The following NTRK1 variants were observed in gnomAD, a reference collection of about 807,000 sequenced individuals.
NTRK1 encodes neurotrophic receptor tyrosine kinase 1.
NTRK1 carries 62 observed loss-of-function variants against 86.8 expected under a neutral mutation model. That is an observed-to-expected ratio of 0.71 (90% CI 0.58 to 0.88). The LOEUF is 0.88. NTRK1 is among the 40% of genes least tolerant of loss of function. The pLI, the probability that NTRK1 is intolerant of heterozygous loss-of-function variation, is 0.00. For synonymous variants in NTRK1, 469 were observed against 456.6 expected (o/e 1.03, Z -0.35); for missense variants, 967 against 1,078.4 (o/e 0.90, Z 1.45).
chr1:156,880,742 A>G (rs1236163438), intron 16 of NTRK1, among the ~76,000 whole-genome samples: 4 of 152,136 alleles, frequency 2.6e-5, no homozygotes, highest in East Asian at 3.9e-4. Context: ...ATAGATTTTA[A>G]TTTTCTCAAG....
At chr1:156,845,110 G>A in intron 2 of NTRK1, 1 of 1,610,970 alleles carries the variant, frequency 6.2e-7, no homozygotes, top group East Asian at 2.2e-5. Context: ...CGAAGGTGGC[G>A]GCGCTGCAGC....
chr1:156,865,285 A>G (rs965221048), intron 3 of NTRK1, among the ~76,000 whole-genome samples: 7 of 152,088 alleles, frequency 4.6e-5, no homozygotes, highest in African/African-American at 1.7e-4. Flanking sequence ...TTGGCACCAG[A>G]GACTGGTTTC....
chr1:156,830,777 A>G (rs1654450481), intron 1 of NTRK1, among the ~76,000 whole-genome samples: 1 of 151,674 alleles, frequency 6.6e-6, no homozygotes, highest in African/African-American at 2.4e-5. Flanking sequence ...CTGGTCTCGA[A>G]CTCCTGACCT....
chr1:156,845,771 G>T, intron 2 of NTRK1: 1 of 1,613,250 alleles, frequency 6.2e-7, no homozygotes, highest in Non-Finnish European at 8.5e-7. Context: ...CCCCGTCTTC[G>T]CCGTCGAAGC....
intron 2 of NTRK1, chr1:156,844,843 C>G (rs1349869940): frequency 1.4e-5 from 22 of 1,613,776 alleles, no homozygotes; most frequent in Non-Finnish European, 1.9e-5. Flanking sequence ...ATCAGCCTCT[C>G]CTGCGGGAAG....
At chr1:156,856,125 C>T (rs1655398773), upstream of NTRK1, among the ~76,000 whole-genome samples, 1 of 151,958 alleles carries the variant, frequency 6.6e-6, no homozygotes, top group African/African-American at 2.4e-5. Context: ...TTATTTTTAA[C>T]ACTGGCTAAA....
At chr1:156,828,003 G>A (rs976035797) in intron 1 of NTRK1, among the ~76,000 whole-genome samples, 3 of 151,824 alleles carry the variant, frequency 2.0e-5, no homozygotes, top group Admixed American at 6.6e-5. Flanking sequence ...TTAGAAATGG[G>A]GGTCTCACTA....
At position 156,875,923 on chromosome 1, in the gene NTRK1, T is replaced by C. The variant is rs1381489099; in HGVS notation, c.1502-157T>C. 2.7e-5 allele frequency: 33 copies of C among 1,230,304 alleles called. 1 individual carries two copies. The highest frequency in any genetic ancestry group is 3.6e-5 in the Admixed American group (2 of 54,898). 76.2% of individuals were successfully genotyped at this position (1,230,304 alleles called of 1,614,324 possible). Reference sequence around the variant, plus strand: ...GCAGGTGCAGCCCCACACTATGACATGGGGCTTGCTGAAGGGGTGCAGGTT... The same window carrying C: ...GCAGGTGCAGCCCCACACTATGACACGGGGCTTGCTGAAGGGGTGCAGGTT... On this transcript the variant is annotated intron_variant, in intron 12 of 16. Transcript: ENST00000524377.
intron 7 of NTRK1, among the ~76,000 whole-genome samples, chr1:156,873,044 T>TGC (rs1647659370): frequency 1.3e-5 from 2 of 150,904 alleles, no homozygotes; most frequent in African/African-American, 4.9e-5. Flanking sequence ...TGTGTGTGTG[T>TGC]GTGTGTGTGT....
In NTRK1 at chr1:156,880,133, C is replaced by T. The variant is rs1648172577; in HGVS notation, c.2181C>T (p.Pro727=). The change falls in exon 16 of 17, where the codon CCC becomes CCT. Residue 727 remains proline (P), a synonymous_variant. Coordinates refer to ENST00000524377, the MANE Select transcript of NTRK1 (RefSeq NM_002529.4). ...LWEIFTYGKQ[P]WYQLSNTEAI... is the part of the protein sequence containing the mutation. ...AGATCTTCACCTACGGCAAGCAGCC[C>T]TGGTACCAGCTCTCCAACACGGAGG... 6.2e-7 allele frequency: 1 copy of T among 1,613,530 alleles called. No individual in the cohort carries two copies. Among genetic ancestry groups the T allele is most frequent in the Non-Finnish European group, 8.5e-7 (1 of 1,179,990 alleles).
chr1:156,840,846 G>A (rs537991249), intron 1 of NTRK1: 1 of 1,566,510 alleles, frequency 6.4e-7, no homozygotes, highest in East Asian at 2.3e-5. Flanking sequence ...CTCCCCATGG[G>A]AGGCCAGCCA....
chr1:156,853,187 C>G (rs986703655), intron 2 of NTRK1, among the ~76,000 whole-genome samples: 4 of 152,158 alleles, frequency 2.6e-5, no homozygotes, highest in African/African-American at 9.7e-5. Context: ...CTCCTGCTCA[C>G]CCCCAACCTC....
chr1:156,824,747 G>A (rs1316601250), intron 1 of NTRK1, among the ~76,000 whole-genome samples: 1 of 152,122 alleles, frequency 6.6e-6, no homozygotes, highest in Admixed American at 6.5e-5. Context: ...GGAACCCTAG[G>A]GTGTGTGCTG....
chr1:156,831,823 C>A (rs1321130981), intron 1 of NTRK1, among the ~76,000 whole-genome samples: 1 of 152,162 alleles, frequency 6.6e-6, no homozygotes, highest in Admixed American at 6.5e-5. Context: ...AACTAGAGGG[C>A]TAGAAGGGAT....
At chr1:156,834,655 A>C (rs1045550869) in intron 1 of NTRK1, among the ~76,000 whole-genome samples, 1 of 152,156 alleles carries the variant, frequency 6.6e-6, no homozygotes. Context: ...CTTTGCCACT[A>C]TAAAGAGTTA....
At chr1:156,844,758 G>A in intron 2 of NTRK1, 1 of 1,614,164 alleles carries the variant, frequency 6.2e-7, no homozygotes, top group Non-Finnish European at 8.5e-7. Context: ...GTCCGTTGGG[G>A]TCTGGTGGCT....
intron 2 of NTRK1, chr1:156,845,899 A>C (rs998024845): frequency 7.5e-6 from 12 of 1,598,328 alleles, no homozygotes; most frequent in Non-Finnish European, 9.4e-6. Context: ...CTGCGCCTCC[A>C]TCTCCCCTTC....
rs141728717 is a variant in NTRK1, at chr1:156,881,773, G to A, written c.*131G>A. 44 of 905,890 alleles carry A rather than the reference G, an allele frequency of 4.9e-5. No homozygotes were observed. Among genetic ancestry groups the A allele is most frequent in the Non-Finnish European group, 6.6e-5 (41 of 620,730 alleles). 56.1% of individuals were successfully genotyped at this position (905,890 alleles called of 1,614,324 possible). A position where few individuals can be genotyped will look rare whatever the true frequency, so the allele number is the denominator to read the frequency against. On this transcript the variant is annotated 3_prime_UTR_variant, in exon 17 of 17. Transcript: ENST00000524377. Reference sequence around the variant, plus strand: ...CACCCTCAGCATGTGGGAAGGGACAGGTGGGGGCTGGGAGTAGAGGATGTT... The same window carrying A: ...CACCCTCAGCATGTGGGAAGGGACAAGTGGGGGCTGGGAGTAGAGGATGTT...
Position 156,866,967 on chromosome 1 carries a change from C to T in NTRK1, c.417C>T (p.Ser139=). 1.2e-6 allele frequency: 2 copies of T among 1,614,258 alleles called. No individual in the cohort carries two copies. Among genetic ancestry groups the T allele is most frequent in the Non-Finnish European group, 1.7e-6 (2 of 1,180,036 alleles). ...SLSWKTVQGL[S]LQELVLSGNP... is the part of the protein sequence containing the mutation. ...CCTGGAAAACTGTGCAGGGCCTCTC[C>T]TTACAGGAACTGTGAGTGGGGGCGC... is the stretch of plus-strand genomic sequence containing the variant. Residue 139 remains serine (S), a synonymous_variant, in exon 4 of 17, where the codon TCC becomes TCT. Transcript: ENST00000524377.
Sources: allele counts gnomAD v4.1 joint callset (sites outside exome capture counted in the v4.1 genomes callset), GRCh38; gene constraint gnomAD v4.1.1; transcripts MANE v1.5; gene names NCBI Gene and HGNC (gene_info 2026-07-23, HGNC 2026-07-21).